The following ADARB2 variants were observed in gnomAD, a reference collection of about 807,000 sequenced individuals.
ADARB2 encodes adenosine deaminase RNA specific B2 (inactive).
In ADARB2, 25 loss-of-function variants were observed where a neutral mutation model predicts 62.2. That is an observed-to-expected ratio of 0.40 (90% CI 0.29 to 0.56). The LOEUF is 0.56. Among genes scored for constraint, ADARB2 ranks in the 20% least tolerant of loss-of-function variants. The pLI is 0.43. For missense variants in ADARB2, 1,071 were observed against 1,077.4 expected (o/e 0.99, Z 0.08); for synonymous variants, 572 against 500.8 (o/e 1.14, Z -1.90).
At chr10:1,629,833 T>C (rs1467268553) in intron 1 of ADARB2, among the ~76,000 whole-genome samples, 1 of 152,058 alleles carries the variant, frequency 6.6e-6, no homozygotes, top group Non-Finnish European at 1.5e-5. Context: ...CGAGAATGGC[T>C]GCTAAGTAAA....
chr10:1,267,896 A>T (rs916309171), intron 4 of ADARB2, among the ~76,000 whole-genome samples: 1 of 152,182 alleles, frequency 6.6e-6, no homozygotes, highest in African/African-American at 2.4e-5. Flanking sequence ...ACAATCACTC[A>T]AAAGACAAAG....
intron 3 of ADARB2, among the ~76,000 whole-genome samples, chr10:1,293,827 T>C (rs1831499800): frequency 6.6e-6 from 1 of 152,190 alleles, no homozygotes. Context: ...CCTAAAACCA[T>C]GTCCAACCTT....
chr10:1,306,960 A>G (rs1022425359), intron 3 of ADARB2, among the ~76,000 whole-genome samples: 2 of 129,642 alleles, frequency 1.5e-5, no homozygotes, highest in African/African-American at 5.3e-5. Flanking sequence ...TAAACGTTAG[A>G]CCTAAAACCA....
intron 1 of ADARB2, among the ~76,000 whole-genome samples, chr10:1,469,683 A>C (rs1831297488): frequency 6.6e-6 from 1 of 152,204 alleles, no homozygotes; most frequent in Non-Finnish European, 1.5e-5. Context: ...CTTTATCCTC[A>C]AGGCACCTGT....
chr10:1,715,314 T>C (rs952488840), intron 1 of ADARB2, among the ~76,000 whole-genome samples: 16 of 152,204 alleles, frequency 1.1e-4, no homozygotes, highest in Non-Finnish European at 2.4e-4. Flanking sequence ...GGCAGAACTT[T>C]ATCTATGCCT....
chr10:1,267,644 G>A (rs1831218326), intron 4 of ADARB2, among the ~76,000 whole-genome samples: 1 of 152,056 alleles, frequency 6.6e-6, no homozygotes, highest in African/African-American at 2.4e-5. Context: ...AGACATTCCA[G>A]AAAAAAACAC....
At chr10:1,233,025 C>T (rs1429098925) in intron 6 of ADARB2, among the ~76,000 whole-genome samples, 1 of 152,038 alleles carries the variant, frequency 6.6e-6, no homozygotes, top group Non-Finnish European at 1.5e-5. Context: ...AGAGGAGTTT[C>T]CCTGAAGCAC....
rs1832894344 is a variant in ADARB2 at position 1,426,463 on chromosome 10, C to A, written c.101-47303G>T. Among the ~76,000 whole-genome samples, 1 of 152,122 alleles carries A rather than the reference C, an allele frequency of 6.6e-6. No individual in the cohort carries two copies. On this transcript the variant is annotated intron_variant, in intron 1 of 9. Coordinates refer to ENST00000381312, the MANE Select transcript of ADARB2 (RefSeq NM_018702.4). The surrounding 1 kb of genome is among the most constrained non-coding windows in gnomAD (Gnocchi z 4.1). ...TGCGTGGCGATTTGGAGAACACAGT[C>A]AGCATGCACACACATCATTCTTCAG... is the stretch of plus-strand genomic sequence containing the variant.
Position 1,363,353 on chromosome 10 carries a change from T to A in ADARB2, c.752A>T (p.Tyr251Phe), listed in dbSNP as rs1344440023. 1 of 1,277,740 alleles carries A rather than the reference T, an allele frequency of 7.8e-7. No homozygotes were observed. The highest frequency in any genetic ancestry group is 9.9e-7 in the Non-Finnish European group (1 of 1,012,812). The allele number at this position is 1,277,740 out of a possible 1,614,324, so 79.2% of individuals were successfully genotyped here. Residue 251 changes from tyrosine (Y) to phenylalanine (F), a missense_variant, in exon 3 of 10, where the codon TAC becomes TTC. Coordinates refer to ENST00000381312, the MANE Select transcript of ADARB2 (RefSeq NM_018702.4). ...GCGGCACAGCAGCCGCCGTCGCCCG[T>A]AGGCCGCGGACAGAAGCGCGGCGTC... ...PGDAALLSAA[Y>F]GRRRLLCRAL...
intron 1 of ADARB2, among the ~76,000 whole-genome samples, chr10:1,640,082 G>A (rs190333657): frequency 4.7e-4 from 72 of 152,262 alleles, no homozygotes; most frequent in African/African-American, 1.5e-3. Flanking sequence ...GGAGCATGGC[G>A]GCTATACTTA....
At chr10:1,273,794 G>A (rs956777215) in intron 3 of ADARB2, among the ~76,000 whole-genome samples, 3 of 152,202 alleles carry the variant, frequency 2.0e-5, no homozygotes, top group Non-Finnish European at 4.4e-5. Context: ...CCTGCAGGGC[G>A]TGTGCTGCAA....
intron 4 of ADARB2, among the ~76,000 whole-genome samples, chr10:1,261,932 C>T (rs982347313): frequency 4.0e-5 from 6 of 148,216 alleles, no homozygotes; most frequent in Admixed American, 4.0e-4. Flanking sequence ...GAAAATGTGG[C>T]ACATATACAC....
chr10:1,245,672 C>A (rs536512518), intron 4 of ADARB2, among the ~76,000 whole-genome samples: 86 of 152,106 alleles, frequency 5.7e-4, no homozygotes, highest in Non-Finnish European at 1.1e-3. Flanking sequence ...TGAACTCATC[C>A]TTTTTTATGG....
At chr10:1,494,030 A>C (rs1414701026) in intron 1 of ADARB2, among the ~76,000 whole-genome samples, 1 of 152,086 alleles carries the variant, frequency 6.6e-6, no homozygotes, top group African/African-American at 2.4e-5. Flanking sequence ...CTGGGATTAC[A>C]TGTGAGCCAC....
At chr10:1,436,040 T>A (rs1325737735) in intron 1 of ADARB2, among the ~76,000 whole-genome samples, 1 of 152,124 alleles carries the variant, frequency 6.6e-6, no homozygotes, top group Non-Finnish European at 1.5e-5. Flanking sequence ...GTCGGGAGGA[T>A]GTTTGAGGCT....
At chr10:1,387,998 G>T (rs1237584722) in intron 1 of ADARB2, among the ~76,000 whole-genome samples, 1 of 151,968 alleles carries the variant, frequency 6.6e-6, no homozygotes. Flanking sequence ...AAAAATAATA[G>T]TATCTTAAAA....
intron 1 of ADARB2, among the ~76,000 whole-genome samples, chr10:1,571,824 T>G (rs76503516): frequency 0.036 from 2,164 of 60,900 alleles, 3 homozygotes; most frequent in African/African-American, 0.087. Flanking sequence ...CAGGTGAGTA[T>G]GCAGGTGATA....
At chr10:1,362,517 T>C (rs758080352) in intron 3 of ADARB2, among the ~76,000 whole-genome samples, 7 of 152,192 alleles carry the variant, frequency 4.6e-5, no homozygotes, top group Non-Finnish European at 8.8e-5. Context: ...GGAGGGGTCC[T>C]GCCGGGCAGA....
chr10:1,660,092 G>A (rs888194572), intron 1 of ADARB2, among the ~76,000 whole-genome samples: 13 of 152,172 alleles, frequency 8.5e-5, no homozygotes, highest in Non-Finnish European at 2.9e-5. Flanking sequence ...CAGCTTCCTG[G>A]TTCATCCGCC....
Sources: gnomAD v4.1 joint callset for allele counts (sites outside exome capture counted in the v4.1 genomes callset) on GRCh38, gnomAD v4.1.1 for gene constraint, Gnocchi (gnomAD v3.1) non-coding constraint, MANE v1.5 for transcripts, NCBI Gene and HGNC (gene_info 2026-07-23, HGNC 2026-07-21) for gene names.